Variants in ERN1 observed in about 807,000 individuals in gnomAD.
ERN1 encodes the protein serine/threonine-protein kinase/endoribonuclease IRE1.
In ERN1, 39 loss-of-function variants were observed where a neutral mutation model predicts 113.1. The observed-to-expected ratio is 0.34, with a 90% CI of 0.27 to 0.45. The LOEUF (loss-of-function observed/expected upper bound fraction) is 0.45, where lower values mean the gene tolerates loss of function less well. Ranked by LOEUF, ERN1 falls within the 20% of genes least tolerant of loss-of-function variation. The probability of loss-of-function intolerance (pLI) is 1.00; values close to 1 mark genes in which losing one functional copy is unlikely to be tolerated. For missense variants in ERN1, 976 were observed against 1,274.8 expected (o/e 0.77, Z 3.57); for synonymous variants, 507 against 515.9 (o/e 0.98, Z 0.23).
At chr17:64,058,751 G>T (rs1912959002) in intron 11 of ERN1, among the ~76,000 whole-genome samples, 2 of 152,052 alleles carry the variant, frequency 1.3e-5, no homozygotes, top group South Asian at 4.1e-4. Context: ...CCTGGCACAT[G>T]CTGAATTTCC....
rs370755742 is a variant in ERN1, at chr17:64,063,971, G to C, written c.1087+15C>G. 2.0e-5 allele frequency: 32 copies of C among 1,612,872 alleles called. 1 individual carries two copies. In the African/African-American group the frequency reaches 2.3e-4, roughly 11 times the overall value. On this transcript the variant is annotated intron_variant, in intron 10 of 21. Coordinates refer to ENST00000433197, the MANE Select transcript of ERN1 (RefSeq NM_001433.5). This position sits in a 1 kb window ranked among gnomAD's most constrained non-coding sequence, Gnocchi z 5.1. The stretch of plus-strand genomic sequence containing the variant: ...ACGCTGTCACCTCAGGCTACTGTGG[G>C]AGACCTGCTCTTACCTATCAGAAGC...
Position 64,129,994 on chromosome 17 carries a change from C to A in ERN1, c.36G>T (p.Leu12=). The part of the protein sequence containing the change: ...PARRLLLLLT[L]LLPGLGIFGS... The stretch of plus-strand genomic sequence containing the variant: ...CACTCACCCCGAGGCCGGGCAGCAG[C>A]AGCGTCAGCAGCAGCAGCAGCCGCC... The change falls in exon 1 of 22, where the codon CTG becomes CTT. Residue 12 remains leucine, a synonymous_variant. Coordinates refer to ENST00000433197, the MANE Select transcript of ERN1 (RefSeq NM_001433.5). The A allele has an allele frequency of 1.4e-6, 2 of 1,448,148 alleles. No homozygotes were observed. The highest frequency in any genetic ancestry group is 1.8e-6 in the Non-Finnish European group (2 of 1,106,062). 89.7% of individuals were successfully genotyped at this position (1,448,148 alleles called of 1,614,324 possible).
chr17:64,058,404 T>A (rs1869018159), intron 11 of ERN1, among the ~76,000 whole-genome samples: 1 of 152,186 alleles, frequency 6.6e-6, no homozygotes, highest in Non-Finnish European at 1.5e-5. Context: ...CCATTTCACA[T>A]TAAAAGGAAA....
intron 8 of ERN1, 27 bp downstream of exon 8, chr17:64,066,644 C>T (rs1006511631): frequency 6.2e-7 from 1 of 1,610,920 alleles, no homozygotes; most frequent in Non-Finnish European, 8.5e-7. Flanking sequence ...CACGGCCGCC[C>T]TCTCCTTCCC....
chr17:64,089,042 G>A (rs1159976052), intron 2 of ERN1, among the ~76,000 whole-genome samples: 7 of 152,210 alleles, frequency 4.6e-5, no homozygotes, highest in East Asian at 3.9e-4. Context: ...AATGTGGGCC[G>A]GGCGCAGTGG....
At chr17:64,048,308 C>T (rs1387479904) in intron 18 of ERN1, among the ~76,000 whole-genome samples, 1 of 152,102 alleles carries the variant, frequency 6.6e-6, no homozygotes, top group Non-Finnish European at 1.5e-5. Flanking sequence ...CAAGGTGACG[C>T]TGAAAAACGT....
intron 18 of ERN1, 110 bp downstream of exon 18, chr17:64,048,945 G>T: frequency 2.6e-6 from 3 of 1,145,616 alleles, no homozygotes; most frequent in Non-Finnish European, 2.4e-6. Context: ...GGGGTGAGCA[G>T]CTGGGGCACC....
rs1358012717 is a variant in ERN1 at position 64,042,448 on chromosome 17, G to C, written c.*1540C>G. On this transcript the variant is annotated 3_prime_UTR_variant, in exon 22 of 22. Transcript: ENST00000433197. ...ACAAACAGAAAACATCTTACAACAT[G>C]AAGAAACAGTGATTTCTCTGTGAGT... 1.3e-5 allele frequency: 2 copies of C among 152,180 alleles called. No individual in the cohort carries two copies. The highest frequency in any genetic ancestry group is 4.8e-5 in the African/African-American group (2 of 41,418). 9.4% of individuals were successfully genotyped at this position (152,180 alleles called of 1,614,324 possible).
rs150455644 is a variant in ERN1 at position 64,049,331 on chromosome 17, T to G, written c.2254-129A>C. 4.1e-6 allele frequency: 4 copies of G among 981,128 alleles called. No individual in the cohort carries two copies. The African/African-American group carries it at 6.6e-5, about 16-fold the overall frequency. The allele number at this position is 981,128 out of a possible 1,614,324, so 60.8% of individuals were successfully genotyped here. On this transcript the variant is annotated intron_variant, in intron 17 of 21. Coordinates refer to ENST00000433197, the MANE Select transcript of ERN1 (RefSeq NM_001433.5). This position sits in a 1 kb window ranked among gnomAD's most constrained non-coding sequence, Gnocchi z 4.7. Reference sequence around the variant, plus strand: ...TGTCCTGGGAGAATCAGCTGACATATGTGAGCTGCACAGAGCAGCGAGGGC... The same window carrying G: ...TGTCCTGGGAGAATCAGCTGACATAGGTGAGCTGCACAGAGCAGCGAGGGC...
chr17:64,067,179 G>A (rs1376603671), intron 7 of ERN1, among the ~76,000 whole-genome samples: 2 of 152,130 alleles, frequency 1.3e-5, no homozygotes, highest in African/African-American at 4.8e-5. Context: ...AATTTATTTG[G>A]TGATGTTCTT....
chr17:64,075,528 G>T (rs921899603), intron 4 of ERN1, among the ~76,000 whole-genome samples: 19 of 152,156 alleles, frequency 1.2e-4, no homozygotes, highest in Admixed American at 7.2e-4. Flanking sequence ...TGCCTCCTGG[G>T]TTCAAGTGAT....
At position 64,068,190 on chromosome 17, in the gene ERN1, T is replaced by A; in HGVS notation, c.580A>T (p.Lys194Ter). 1 of 1,603,834 alleles carries A rather than the reference T, an allele frequency of 6.2e-7. No homozygotes were observed. The highest frequency in any genetic ancestry group is 8.5e-7 in the Non-Finnish European group (1 of 1,174,330). ...ASLPEDDVDY[K>*]MSHFVSNGDG... ...GTGAAATCCAGCAGAGAGCACTTAC[T>A]GTAGTCCACGTCGTCCTCAGGCAGT... The change falls in exon 7 of 22, where the codon AAG (lysine) becomes TAG (stop). Residue 194 changes from lysine to a stop codon, truncating the protein, a stop_gained and splice_region_variant. Coordinates refer to ENST00000433197, the MANE Select transcript of ERN1 (RefSeq NM_001433.5). LOFTEE classifies it high-confidence loss of function.
Position 64,049,261 on chromosome 17 carries a change from G to A in ERN1, c.2254-59C>T. On this transcript the variant is annotated intron_variant, in intron 17 of 21. Transcript: ENST00000433197. The surrounding 1 kb of genome is among the most constrained non-coding windows in gnomAD (Gnocchi z 4.7). ...AGCAGAGTTTTCATCCTCACTCACA[G>A]TCAGGGAGGGAGGAGCATTGCTGCT... The A allele has an allele frequency of 6.7e-7, 1 of 1,485,834 alleles. No individual in the cohort carries two copies. The highest frequency in any genetic ancestry group is 1.4e-5 in the African/African-American group (1 of 71,454). The allele number at this position is 1,485,834 out of a possible 1,614,324, so 92.0% of individuals were successfully genotyped here.
At chr17:64,046,796 A>G (rs553893677) in intron 19 of ERN1, among the ~76,000 whole-genome samples, 1 of 152,324 alleles carries the variant, frequency 6.6e-6, no homozygotes, top group South Asian at 2.1e-4. Context: ...CCTGGACCCA[A>G]GGGGAAAAGC....
intron 1 of ERN1, chr17:64,129,105 A>G (rs1232224817): frequency 6.7e-6 from 1 of 150,304 alleles, no homozygotes; most frequent in Non-Finnish European, 1.5e-5. Context: ...CAACCAGAAG[A>G]AAAAAAAAAG....
chr17:64,066,143 GAC>G lies in ERN1; in HGVS notation c.842+526_842+527del, dbSNP rs374480510. ...GAGAACAGAAGCCTGCTGAGTCTTG[GAC>G]ACACACACACACTGTAACTATTTTT... On this transcript the variant is annotated intron_variant, in intron 8 of 21. Transcript: ENST00000433197. Among the ~76,000 whole-genome samples the G allele has an allele frequency of 4.0e-5, 6 of 151,660 alleles. 1 individual carries two copies. The South Asian group carries it at 1.0e-3, about 26-fold the overall frequency.
intron 1 of ERN1, among the ~76,000 whole-genome samples, chr17:64,101,283 C>T (rs1023573653): frequency 2.6e-5 from 4 of 152,008 alleles, no homozygotes; most frequent in Non-Finnish European, 5.9e-5. Flanking sequence ...GTGGTGGGTG[C>T]CTGTAATCCC....
chr17:64,083,673 G>A (rs986601422), intron 2 of ERN1, among the ~76,000 whole-genome samples: 4 of 152,218 alleles, frequency 2.6e-5, no homozygotes, highest in Non-Finnish European at 4.4e-5. Context: ...GGATTAACAC[G>A]GGAAAGAAAC....
At chr17:64,076,913 A>G (rs1864969388) in intron 4 of ERN1, among the ~76,000 whole-genome samples, 2 of 152,128 alleles carry the variant, frequency 1.3e-5, no homozygotes, top group South Asian at 4.1e-4. Flanking sequence ...ACCAACTCCA[A>G]CACTAGAAGA....
Sources: gnomAD v4.1 joint callset for allele counts (sites outside exome capture counted in the v4.1 genomes callset) on GRCh38, gnomAD v4.1.1 for gene constraint, Gnocchi (gnomAD v3.1) non-coding constraint, MANE v1.5 for transcripts, NCBI Gene and HGNC (gene_info 2026-07-23, HGNC 2026-07-21) for gene names.